LYPD6B: variants seen among roughly 807,000 people sequenced by gnomAD.
LYPD6B encodes LY6/PLAUR domain containing 6B.
A neutral mutation model predicts 22.8 loss-of-function variants in LYPD6B; 17 were observed. That is an observed-to-expected ratio of 0.75 (90% CI 0.51 to 1.12). The LOEUF (loss-of-function observed/expected upper bound fraction) is 1.12. Ranked by LOEUF, LYPD6B falls within the 50% of genes most tolerant of loss-of-function variation. LYPD6B has a pLI of 0.00. For synonymous variants in LYPD6B, 106 were observed against 91.6 expected, an observed-to-expected ratio of 1.16 and a Z score of -0.90; for missense variants, 221 against 258.3, an observed-to-expected ratio of 0.86 and a Z score of 0.99.
chr2:149,171,373 A>G (rs1690806435), intron 3 of LYPD6B, among the ~76,000 whole-genome samples: 1 of 123,394 alleles, frequency 8.1e-6, no homozygotes, highest in Admixed American at 8.2e-5. Flanking sequence ...AACAAATAAC[A>G]TATTTTATTA....
chr2:149,181,895 C>A (rs1691750680), intron 3 of LYPD6B, among the ~76,000 whole-genome samples: 1 of 152,110 alleles, frequency 6.6e-6, no homozygotes, highest in Non-Finnish European at 1.5e-5. Context: ...TTTCTTCTCC[C>A]TCCCATGGCA....
chr2:149,121,579 A>G (rs78861199), intron 1 of LYPD6B, among the ~76,000 whole-genome samples: 2,822 of 152,312 alleles, frequency 0.019, 54 homozygotes, highest in Middle Eastern at 0.031. Context: ...AGGGACTCCA[A>G]CAGTGGAAAG....
At chr2:149,115,034 G>C (rs755193395) in intron 1 of LYPD6B, among the ~76,000 whole-genome samples, 1 of 152,136 alleles carries the variant, frequency 6.6e-6, no homozygotes, top group Non-Finnish European at 1.5e-5. Flanking sequence ...CTGCCTCCAG[G>C]TTCAATTGAT....
intron 1 of LYPD6B, among the ~76,000 whole-genome samples, chr2:149,125,592 A>C (rs1687654254): frequency 6.6e-6 from 1 of 152,116 alleles, no homozygotes. Context: ...CTATGATACC[A>C]CTTTCTCCCA....
At chr2:149,120,381 A>T (rs78819013) in intron 1 of LYPD6B, among the ~76,000 whole-genome samples, 11,012 of 41,982 alleles carry the variant, frequency 0.26, 1,746 homozygotes, top group Non-Finnish European at 0.3. Flanking sequence ...ATATATATAT[A>T]TATTTTTTTT....
intron 3 of LYPD6B, chr2:149,188,764 T>C (rs1692292061): frequency 4.2e-6 from 3 of 717,940 alleles, no homozygotes; most frequent in Non-Finnish European, 5.1e-6. Context: ...CTAAGATGTT[T>C]CATGTGGGTA....
At chr2:149,165,783 C>T (rs1456503947) in intron 3 of LYPD6B, among the ~76,000 whole-genome samples, 2 of 152,150 alleles carry the variant, frequency 1.3e-5, no homozygotes, top group African/African-American at 4.8e-5. Context: ...AACCCTAATG[C>T]TTCTCAAGTT....
At chr2:149,175,567 T>C (rs1038449683) in intron 3 of LYPD6B, among the ~76,000 whole-genome samples, 6 of 152,138 alleles carry the variant, frequency 3.9e-5, no homozygotes, top group Non-Finnish European at 8.8e-5. Context: ...TAGTTTACTG[T>C]AACTCTTTAT....
intron 2 of LYPD6B, among the ~76,000 whole-genome samples, chr2:149,147,906 C>G (rs900781100): frequency 2.9e-5 from 4 of 139,018 alleles, no homozygotes; most frequent in African/African-American, 5.5e-5. Context: ...GCACATGGGC[C>G]TGTGTGTGTG....
intron 4 of LYPD6B, among the ~76,000 whole-genome samples, chr2:149,207,948 G>T (rs892594065): frequency 6.6e-6 from 1 of 152,060 alleles, no homozygotes; most frequent in Non-Finnish European, 1.5e-5. Flanking sequence ...TCTGACTCCA[G>T]TTCTTTTCAG....
intron 3 of LYPD6B, among the ~76,000 whole-genome samples, chr2:149,199,775 C>T (rs1462585475): frequency 6.6e-6 from 1 of 152,078 alleles, no homozygotes; most frequent in Non-Finnish European, 1.5e-5. Context: ...AATAGAGAAC[C>T]TATTGGCAAA....
At position 149,084,853 on chromosome 2, in the gene LYPD6B, G is replaced by A. The variant is rs147064349; in HGVS notation, c.-66-46030G>A. Among the ~76,000 whole-genome samples, 381 of 152,128 alleles carry A rather than the reference G, an allele frequency of 2.5e-3. 2 individuals carry two copies. Among genetic ancestry groups the A allele is most frequent in the Middle Eastern group, 0.01 (3 of 294 alleles). Reference sequence around the variant, plus strand: ...TTGTCTGCCCTTGAGTTTCTTCTGTGATTCATTTTGTCTCAAAGTTAGTTG... The same window carrying A: ...TTGTCTGCCCTTGAGTTTCTTCTGTAATTCATTTTGTCTCAAAGTTAGTTG... On this transcript the variant is annotated intron_variant, in intron 1 of 6. Transcript: ENST00000409642.
chr2:149,149,181 A>G (rs558317496), intron 2 of LYPD6B, among the ~76,000 whole-genome samples: 2 of 152,288 alleles, frequency 1.3e-5, no homozygotes, highest in Admixed American at 6.5e-5. Flanking sequence ...TTTCACCATT[A>G]AAAGTAATGG....
intron 3 of LYPD6B, among the ~76,000 whole-genome samples, chr2:149,173,477 A>C (rs1691013050): frequency 2.0e-5 from 3 of 150,780 alleles, no homozygotes; most frequent in Admixed American, 6.7e-5. Flanking sequence ...TCATTCATTC[A>C]AGTAATTGAT....
intron 2 of LYPD6B, among the ~76,000 whole-genome samples, chr2:149,158,902 A>G (rs1220056670): frequency 2.6e-5 from 4 of 152,218 alleles, no homozygotes; most frequent in African/African-American, 9.6e-5. Flanking sequence ...CCAGGACTGT[A>G]GTCTCAGACA....
intron 1 of LYPD6B, among the ~76,000 whole-genome samples, chr2:149,125,039 T>C (rs1687611867): frequency 6.6e-6 from 1 of 152,166 alleles, no homozygotes; most frequent in South Asian, 2.1e-4. Flanking sequence ...TTGGTGTGGA[T>C]CGATGTGGTC....
At chr2:149,053,752 C>A (rs1349176326) in intron 1 of LYPD6B, among the ~76,000 whole-genome samples, 1 of 152,202 alleles carries the variant, frequency 6.6e-6, no homozygotes, top group South Asian at 2.1e-4. Context: ...CACCTCCCCC[C>A]ATTCCCTGGC....
At chr2:149,043,581 G>A (rs557466086) in intron 1 of LYPD6B, among the ~76,000 whole-genome samples, 4 of 152,202 alleles carry the variant, frequency 2.6e-5, no homozygotes, top group East Asian at 1.9e-4. Flanking sequence ...TTCTCCCAGC[G>A]ACTGCCTTGT....
intron 3 of LYPD6B, chr2:149,187,590 C>G (rs766469141): frequency 6.7e-6 from 9 of 1,339,046 alleles, no homozygotes; most frequent in African/African-American, 6.1e-5. Flanking sequence ...GTAGGTGCCC[C>G]GTAAATATTG....
Sources: gnomAD v4.1 joint callset for allele counts (sites outside exome capture counted in the v4.1 genomes callset) on GRCh38, gnomAD v4.1.1 for gene constraint, MANE v1.5 for transcripts, NCBI Gene and HGNC (gene_info 2026-07-23, HGNC 2026-07-21) for gene names.